NBEA: variants seen among roughly 807,000 people sequenced by gnomAD.
NBEA encodes neurobeachin, also known as lysosomal-trafficking regulator 2.
Under a neutral mutation model 343.4 loss-of-function variants are expected in NBEA, and 44 were observed. That is an observed-to-expected ratio of 0.13 (90% CI 0.10 to 0.16). NBEA has a LOEUF of 0.16. NBEA is among the 10% of genes least tolerant of loss of function. NBEA has a pLI of 1.00. For missense variants in NBEA, 2,555 were observed against 3,631.3 expected, an observed-to-expected ratio of 0.70 and a Z score of 7.62; for synonymous variants, 1,175 against 1,238.7, an observed-to-expected ratio of 0.95 and a Z score of 1.08.
intron 34 of NBEA, among the ~76,000 whole-genome samples, chr13:35,284,106 C>A (rs2035257076): frequency 6.6e-6 from 1 of 152,040 alleles, no homozygotes; most frequent in Non-Finnish European, 1.5e-5. Flanking sequence ...TTGTCTATGG[C>A]TACCTTTGTA....
At chr13:35,310,221 A>T (rs1478052759) in intron 36 of NBEA, among the ~76,000 whole-genome samples, 2 of 152,168 alleles carry the variant, frequency 1.3e-5, no homozygotes, top group Non-Finnish European at 2.9e-5. Context: ...CAAATAAAGT[A>T]TCTAAAACTC....
intron 38 of NBEA, among the ~76,000 whole-genome samples, chr13:35,429,815 G>GTGTA (rs1209550226): frequency 2.1e-5 from 3 of 144,322 alleles, no homozygotes; most frequent in Non-Finnish European, 3.0e-5. Flanking sequence ...GTGTGTGTGT[G>GTGTA]TGTGTGTGTG....
At chr13:35,276,607 ACT>A (rs1051669103) in intron 34 of NBEA, among the ~76,000 whole-genome samples, 1 of 152,160 alleles carries the variant, frequency 6.6e-6, no homozygotes, top group Non-Finnish European at 1.5e-5. Flanking sequence ...TTATTATTAT[ACT>A]CTCTGGGATA....
intron 36 of NBEA, among the ~76,000 whole-genome samples, chr13:35,322,809 A>G (rs2038256882): frequency 1.3e-5 from 2 of 152,210 alleles, no homozygotes; most frequent in Admixed American, 6.5e-5. Context: ...TTAAGTAATA[A>G]GGAAATATAT....
intron 38 of NBEA, among the ~76,000 whole-genome samples, chr13:35,392,982 A>G (rs1286990141): frequency 2.0e-5 from 3 of 152,142 alleles, no homozygotes; most frequent in Non-Finnish European, 4.4e-5. Flanking sequence ...TTATAGTTGT[A>G]TTTGTTGGCT....
chr13:35,034,791 C>A (rs757597650), intron 1 of NBEA, among the ~76,000 whole-genome samples: 13 of 151,896 alleles, frequency 8.6e-5, no homozygotes, highest in Admixed American at 5.3e-4. Context: ...TCATCCATTT[C>A]TTCTAGATTT....
intron 13 of NBEA, among the ~76,000 whole-genome samples, chr13:35,115,667 G>T (rs963941668): frequency 6.6e-6 from 1 of 151,942 alleles, no homozygotes; most frequent in African/African-American, 2.4e-5. Context: ...TGCAGAAATG[G>T]ATTTATATCA....
At chr13:35,303,349 C>A (rs1566590171) in intron 35 of NBEA, among the ~76,000 whole-genome samples, 1 of 152,092 alleles carries the variant, frequency 6.6e-6, no homozygotes, top group Non-Finnish European at 1.5e-5. Flanking sequence ...GTATGTTAAT[C>A]ACTATTGACC....
intron 41 of NBEA, among the ~76,000 whole-genome samples, chr13:35,537,851 G>T (rs1369938140): frequency 2.0e-5 from 3 of 152,194 alleles, no homozygotes; most frequent in African/African-American, 7.2e-5. Flanking sequence ...GACCTGTTGT[G>T]TGCACCACTA....
chr13:35,031,436 A>G (rs2062213333), intron 1 of NBEA, among the ~76,000 whole-genome samples: 1 of 151,738 alleles, frequency 6.6e-6, no homozygotes, highest in African/African-American at 2.4e-5. Flanking sequence ...TGCTGGAAAC[A>G]TAAGACTTAA....
chr13:35,642,825 G>A (rs1242894251), intron 49 of NBEA, among the ~76,000 whole-genome samples: 2 of 151,920 alleles, frequency 1.3e-5, no homozygotes, highest in Non-Finnish European at 2.9e-5. Flanking sequence ...CCCATGGGAT[G>A]CCAGTGTGTG....
chr13:35,619,276 A>G (rs780523000), intron 48 of NBEA, among the ~76,000 whole-genome samples: 1 of 151,940 alleles, frequency 6.6e-6, no homozygotes, highest in Non-Finnish European at 1.5e-5. Flanking sequence ...CTGAACCCCT[A>G]TTAACTTCAA....
chr13:34,997,019 G>T (rs200432549), intron 1 of NBEA, among the ~76,000 whole-genome samples: 1 of 152,054 alleles, frequency 6.6e-6, no homozygotes, highest in East Asian at 1.9e-4. Context: ...CTACCTGTCT[G>T]TTAGCTTAGT....
Position 35,649,633 on chromosome 13 carries a change from C to A in NBEA, c.7771-22C>A. ...GTTATTCCTTTTGTCTTCCTCTGTT[C>A]TCTTCCCTTTCTATTCAACAGTGTT... On this transcript the variant is annotated intron_variant, in intron 51 of 58. Coordinates refer to ENST00000379939, the MANE Select transcript of NBEA (RefSeq NM_001385012.1). 4 of 1,588,680 alleles carry A rather than the reference C, an allele frequency of 2.5e-6. 1 individual carries two copies. Among genetic ancestry groups the A allele is most frequent in the South Asian group, 2.2e-5 (2 of 90,468 alleles).
chr13:35,079,566 T>G (rs1268275236), intron 10 of NBEA, among the ~76,000 whole-genome samples: 1 of 152,210 alleles, frequency 6.6e-6, no homozygotes, highest in African/African-American at 2.4e-5. Context: ...TGGTCTGCTG[T>G]AGTCTGGCAA....
Position 35,349,118 on chromosome 13 carries a change from C to T in NBEA, c.5914C>T (p.His1972Tyr). The T allele has an allele frequency of 1.3e-6, 2 of 1,563,092 alleles. No homozygotes were observed. The highest frequency in any genetic ancestry group is 1.7e-6 in the Non-Finnish European group (2 of 1,150,652). The change falls in exon 37 of 59, where the codon CAT (histidine) becomes TAT (tyrosine). Residue 1972 changes from histidine (H) to tyrosine (Y), a missense_variant. Physicochemically the swap from His to Tyr is moderately conservative, Grantham distance 83. This residue lies in a region of NBEA where 84 missense variants were observed against 196.4 expected (regional missense o/e 0.43). Coordinates refer to ENST00000379939, the MANE Select transcript of NBEA (RefSeq NM_001385012.1). ...ELINEGRLLC[H>Y]AMKDHIVRVA... Reference sequence around the variant, plus strand: ...TATTTTTCTTTTTAGATTACTGTGCCATGCTATGAAGGACCATATAGTCCG... The same window carrying T: ...TATTTTTCTTTTTAGATTACTGTGCTATGCTATGAAGGACCATATAGTCCG...
intron 33 of NBEA, among the ~76,000 whole-genome samples, chr13:35,232,072 T>G (rs2075005784): frequency 1.3e-5 from 2 of 152,300 alleles, no homozygotes; most frequent in South Asian, 4.1e-4. Context: ...ATTCCCTTAT[T>G]TGTCCAGATT....
At chr13:35,058,896 G>C (rs764303861) in intron 8 of NBEA, 33 bp downstream of exon 8, 40 of 1,513,372 alleles carry the variant, frequency 2.6e-5, no homozygotes, top group South Asian at 1.4e-4. Flanking sequence ...AAATTCTATG[G>C]AGAGTTTTAG....
chr13:35,050,502 A>T (rs2063028384), intron 6 of NBEA, 107 bp downstream of exon 6: 2 of 1,180,088 alleles, frequency 1.7e-6, no homozygotes, highest in African/African-American at 3.1e-5. Flanking sequence ...CTATGCTTTT[A>T]ATTGTTTTCT....
Sources: allele counts gnomAD v4.1 joint callset (sites outside exome capture counted in the v4.1 genomes callset), GRCh38; gene constraint gnomAD v4.1.1; regional missense constraint gnomAD v4.1.1; transcripts MANE v1.5; gene names NCBI Gene and HGNC (gene_info 2026-07-23, HGNC 2026-07-21).